The following GPATCH8 variants were observed in gnomAD, a reference collection of about 807,000 sequenced individuals.
GPATCH8 encodes the protein G patch domain-containing protein 8.
GPATCH8 carries 18 observed loss-of-function variants against 118.3 expected under a neutral mutation model. That is an observed-to-expected ratio of 0.15 (90% CI 0.11 to 0.23). The LOEUF is 0.23. Among genes scored for constraint, GPATCH8 ranks in the 10% least tolerant of loss-of-function variants. The probability of loss-of-function intolerance (pLI) is 1.00; values close to 1 mark genes in which losing one functional copy is unlikely to be tolerated. For missense variants in GPATCH8, 1,631 were observed against 1,873.8 expected (o/e 0.87, Z 2.39); for synonymous variants, 659 against 684.7 (o/e 0.96, Z 0.59).
Position 44,468,594 on chromosome 17 carries a change from A to T in GPATCH8, c.121-4050T>A, listed in dbSNP as rs189342816. Among the ~76,000 whole-genome samples the T allele has an allele frequency of 1.6e-3, 244 of 151,656 alleles. 1 individual carries two copies. The highest frequency in any genetic ancestry group is 2.2e-3 in the Admixed American group (34 of 15,240). ...AGTAATTATTTTTAAAAATAATTTT[A>T]AAAAAAAGTAACTCTACTTAATTTC... On this transcript the variant is annotated intron_variant, in intron 2 of 7. Coordinates refer to ENST00000591680, the MANE Select transcript of GPATCH8 (RefSeq NM_001002909.4).
At chr17:44,433,311 T>C (rs773861547) in intron 5 of GPATCH8, among the ~76,000 whole-genome samples, 3 of 152,244 alleles carry the variant, frequency 2.0e-5, no homozygotes, top group Non-Finnish European at 4.4e-5. Flanking sequence ...CTGGCTTTTC[T>C]CACTATTTCA....
At chr17:44,411,464 G>A (rs1175476333) in intron 6 of GPATCH8, among the ~76,000 whole-genome samples, 1 of 152,072 alleles carries the variant, frequency 6.6e-6, no homozygotes, top group Admixed American at 6.6e-5. Context: ...AGTATACTAA[G>A]AATAATTCTG....
chr17:44,404,403 AAGGTGCTGGGATTAC>A lies in GPATCH8; in HGVS notation c.623+1503_623+1517del, dbSNP rs2049142668. 2.0e-5 allele frequency among the ~76,000 whole-genome samples: 3 copies of A among 152,204 alleles called. No homozygotes were observed. The South Asian group carries it at 6.2e-4, about 32-fold the overall frequency. ...AGTGATCCTCTTACTTTGGCCTCCC[AAGGTGCTGGGATTAC>A]AGGTGCGAGTCACTATGCCCAGCAT... On this transcript the variant is annotated intron_variant, in intron 7 of 7. Coordinates refer to ENST00000591680, the MANE Select transcript of GPATCH8 (RefSeq NM_001002909.4).
At chr17:44,448,265 A>G (rs2050959810) in intron 3 of GPATCH8, among the ~76,000 whole-genome samples, 1 of 152,148 alleles carries the variant, frequency 6.6e-6, no homozygotes, top group Non-Finnish European at 1.5e-5. Context: ...ATCAATAATC[A>G]AAGTATTACA....
intron 5 of GPATCH8, among the ~76,000 whole-genome samples, chr17:44,432,308 A>G (rs2050347423): frequency 6.6e-6 from 1 of 152,186 alleles, no homozygotes; most frequent in Admixed American, 6.5e-5. Context: ...TAGTATACGT[A>G]GATGAAGGCA....
In GPATCH8 at chr17:44,399,835, G is replaced by A. The variant is rs770210247; in HGVS notation, c.2242C>T (p.Arg748Trp). 21 of 1,613,486 alleles carry A rather than the reference G, an allele frequency of 1.3e-5. No homozygotes were observed. The highest frequency in any genetic ancestry group is 1.7e-5 in the Non-Finnish European group (20 of 1,179,876). Residue 748 changes from arginine (R) to tryptophan (W), a missense_variant, in exon 8 of 8, where the codon CGG becomes TGG. Coordinates refer to ENST00000591680, the MANE Select transcript of GPATCH8 (RefSeq NM_001002909.4). ...SGSPAPPRRRRRAQDDSQRRS... is the reference protein window; with the variant it reads ...SGSPAPPRRRWRAQDDSQRRS... ...CGCTGGGAGTCATCTTGAGCTCTCCGCCTTCTTCTTGGTGGTGCGGGACTG... is the reference window on the plus strand; with the variant it reads ...CGCTGGGAGTCATCTTGAGCTCTCCACCTTCTTCTTGGTGGTGCGGGACTG...
chr17:44,448,839 T>A (rs912673508), intron 3 of GPATCH8, among the ~76,000 whole-genome samples: 106 of 147,066 alleles, frequency 7.2e-4, no homozygotes, highest in Admixed American at 1.8e-3. Context: ...TGGATAAATT[T>A]AAAAAAAAAA....
intron 1 of GPATCH8, among the ~76,000 whole-genome samples, chr17:44,503,033 T>A (rs1402125522): frequency 6.6e-6 from 1 of 152,196 alleles, no homozygotes; most frequent in Non-Finnish European, 1.5e-5. Context: ...CGGGCAGACC[T>A]GGAGGGCACA....
rs1005554315 is a variant in GPATCH8 at position 44,398,998 on chromosome 17, G to T, written c.3079C>A (p.Arg1027Ser). ...ERHSGRRDFI[R>S]SKIYRSQSPH... ...GACTGGGAGCGGTAGATCTTAGAAC[G>T]AATGAAGTCCCGACGCCCAGAATGC... Residue 1027 changes from arginine (R) to serine (S), a missense_variant, in exon 8 of 8, where the codon CGT becomes AGT. Physicochemically the swap from Arg to Ser is moderately radical, Grantham distance 110 (BLOSUM62 -1). This residue lies in a region of GPATCH8 where 922 missense variants were observed against 879.7 expected (regional missense o/e 1.05). Coordinates refer to ENST00000591680, the MANE Select transcript of GPATCH8 (RefSeq NM_001002909.4). 1 of 1,613,822 alleles carries T rather than the reference G, an allele frequency of 6.2e-7. No individual in the cohort carries two copies. The highest frequency in any genetic ancestry group is 8.5e-7 in the Non-Finnish European group (1 of 1,179,908).
chr17:44,466,914 C>G (rs1017254271), intron 2 of GPATCH8, among the ~76,000 whole-genome samples: 7 of 152,076 alleles, frequency 4.6e-5, no homozygotes, highest in African/African-American at 7.2e-5. Context: ...TGCTCCCCCC[C>G]CCTCCATTTT....
Position 44,396,941 on chromosome 17 carries a change from G to T in GPATCH8, c.*627C>A. ...CCTCTTCTGGGATGAGGGATACCAA[G>T]ATAACAGTGCCAAATGTGTGGCTCC... On this transcript the variant is annotated 3_prime_UTR_variant, in exon 8 of 8. Transcript: ENST00000591680. 1 of 454,094 alleles carries T rather than the reference G, an allele frequency of 2.2e-6. No individual in the cohort carries two copies. The highest frequency in any genetic ancestry group is 4.4e-6 in the Non-Finnish European group (1 of 226,792). The allele number at this position is 454,094 out of a possible 1,614,324, so 28.1% of individuals were successfully genotyped here.
intron 3 of GPATCH8, among the ~76,000 whole-genome samples, chr17:44,446,747 C>T (rs2050898532): frequency 2.0e-5 from 3 of 152,100 alleles, no homozygotes. Context: ...TCCATAGCTA[C>T]ACTGAAAATT....
Position 44,474,844 on chromosome 17 carries a change from G to A in GPATCH8, c.105C>T (p.Asp35=), listed in dbSNP as rs79170331. ...GHLEIEQASL[D]KPIESDNIGH... is the part of the protein sequence containing the mutation. ...ATTATCTTACCGATTCTATAGGCTT[G>A]TCAAGTGACGCTTGTTCAATTTCCA... The change falls in exon 2 of 8, where the codon GAC becomes GAT. Residue 35 remains aspartate (D), a synonymous_variant. Coordinates refer to ENST00000591680, the MANE Select transcript of GPATCH8 (RefSeq NM_001002909.4). 5.2e-6 allele frequency: 8 copies of A among 1,537,072 alleles called. No homozygotes were observed. The African/African-American group carries it at 1.1e-4, about 21-fold the overall frequency.
chr17:44,479,385 T>C (rs1262658287), intron 1 of GPATCH8, among the ~76,000 whole-genome samples: 1 of 152,190 alleles, frequency 6.6e-6, no homozygotes, highest in Admixed American at 6.5e-5. Flanking sequence ...TTCAAATCAT[T>C]CTGGATCTGT....
chr17:44,499,634 G>A (rs35230974), intron 1 of GPATCH8, among the ~76,000 whole-genome samples: 2,782 of 152,252 alleles, frequency 0.018, 89 homozygotes, highest in African/African-American at 0.064. Flanking sequence ...TAATGGCACC[G>A]TATAGCTAGC....
chr17:44,403,969 C>T (rs1483274504), intron 7 of GPATCH8, among the ~76,000 whole-genome samples: 1 of 152,200 alleles, frequency 6.6e-6, no homozygotes, highest in Non-Finnish European at 1.5e-5. Flanking sequence ...GCTGGGATTA[C>T]AGGCGTGAGC....
intron 5 of GPATCH8, among the ~76,000 whole-genome samples, chr17:44,426,848 A>ACTCTCT (rs71361571): frequency 3.1e-3 from 111 of 35,466 alleles, no homozygotes; most frequent in African/African-American, 5.5e-3. Context: ...ACACACACAC[A>ACTCTCT]CTCTCTCTCT....
Position 44,475,681 on chromosome 17 carries a change from G to A in GPATCH8, c.46-778C>T, listed in dbSNP as rs1275646723. ...TGCATTTCAGCCTGGGAGACAGAGC[G>A]AGACTCCATCTCAAAAACAAACAAA... is the stretch of plus-strand genomic sequence containing the variant. On this transcript the variant is annotated intron_variant, in intron 1 of 7. Transcript: ENST00000591680. Among the ~76,000 whole-genome samples, 9 of 151,996 alleles carry A rather than the reference G, an allele frequency of 5.9e-5. No homozygotes were observed. The South Asian group carries it at 1.2e-3, about 21-fold the overall frequency.
chr17:44,428,829 A>C (rs1715104773), intron 5 of GPATCH8, among the ~76,000 whole-genome samples: 1 of 151,294 alleles, frequency 6.6e-6, no homozygotes, highest in African/African-American at 2.4e-5. Flanking sequence ...ATCTCAAATA[A>C]ACAGTACTCA....
Sources: allele counts gnomAD v4.1 joint callset (sites outside exome capture counted in the v4.1 genomes callset), GRCh38; gene constraint gnomAD v4.1.1; regional missense constraint gnomAD v4.1.1; transcripts MANE v1.5; gene names NCBI Gene and HGNC (gene_info 2026-07-23, HGNC 2026-07-21).